SLC25A48: variants seen among roughly 807,000 people sequenced by gnomAD.
SLC25A48 encodes solute carrier family 25 member 48.
Under a neutral mutation model 32.2 loss-of-function variants are expected in SLC25A48, and 29 were observed. The ratio of observed to expected loss-of-function variants is 0.90; its 90% CI spans 0.67 to 1.23. The LOEUF (loss-of-function observed/expected upper bound fraction) is 1.23, where lower values mean the gene tolerates loss of function less well. SLC25A48 is among the 50% of genes most tolerant of loss of function. SLC25A48 has a pLI of 0.00. For synonymous variants in SLC25A48, 164 were observed against 172.3 expected (o/e 0.95, Z 0.38); for missense variants, 399 against 422.7 (o/e 0.94, Z 0.49).
At chr5:135,800,215 A>G (rs932474974) in intron 3 of SLC25A48, among the ~76,000 whole-genome samples, 39 of 151,734 alleles carry the variant, frequency 2.6e-4, no homozygotes, top group African/African-American at 6.5e-4. Context: ...TCACTGGGAG[A>G]GTACACCCCG....
chr5:135,849,768 AG>A (rs989286058), intron 2 of SLC25A48, among the ~76,000 whole-genome samples: 11 of 152,298 alleles, frequency 7.2e-5, no homozygotes, highest in Middle Eastern at 6.8e-3. Context: ...GGCTGGAGGC[AG>A]GAAAGAATTG....
rs954739396 is a variant in SLC25A48 at position 135,814,212 on chromosome 5, G to A, written c.-117+1286G>A. Among the ~76,000 whole-genome samples the A allele has an allele frequency of 7.2e-5, 11 of 152,160 alleles. No homozygotes were observed. The East Asian group carries it at 7.7e-4, about 11-fold the overall frequency. ...CCCTGACTGGGCTTCTGCACCCTGG[G>A]CCTTTTCCATGCTCCATCCTTTGGC... On this transcript the variant is annotated intron_variant, in intron 4 of 10. Coordinates refer to the SLC25A48 transcript ENST00000646290.
chr5:135,613,328 A>G (rs6596247), intron 1 of SLC25A48, among the ~76,000 whole-genome samples: 54,500 of 152,036 alleles, frequency 0.36, 9,801 homozygotes, highest in Non-Finnish European at 0.38. Flanking sequence ...TGTAGACATT[A>G]GTCCTTTATT....
At chr5:135,867,388 G>T (rs1761287485) in intron 4 of SLC25A48, among the ~76,000 whole-genome samples, 1 of 152,086 alleles carries the variant, frequency 6.6e-6, no homozygotes, top group Admixed American at 6.5e-5. Flanking sequence ...TTTCAAATCA[G>T]CTTTTAAGAG....
intron 1 of SLC25A48, among the ~76,000 whole-genome samples, chr5:135,597,560 A>G (rs1209529982): frequency 6.6e-6 from 1 of 152,196 alleles, no homozygotes; most frequent in Non-Finnish European, 1.5e-5. Flanking sequence ...TTGCCGATAG[A>G]AACAATCAAA....
intron 4 of SLC25A48, among the ~76,000 whole-genome samples, chr5:135,869,747 G>T (rs1385791155): frequency 6.6e-6 from 1 of 152,174 alleles, no homozygotes; most frequent in Non-Finnish European, 1.5e-5. Flanking sequence ...CTCTCAGTGG[G>T]CTTTCAAAGG....
intron 3 of SLC25A48, among the ~76,000 whole-genome samples, chr5:135,787,505 A>G (rs1195614558): frequency 6.6e-6 from 1 of 152,080 alleles, no homozygotes; most frequent in African/African-American, 2.4e-5. Flanking sequence ...CAGGAGATGT[A>G]TAACCTGTTA....
intron 3 of SLC25A48, among the ~76,000 whole-genome samples, chr5:135,663,930 C>A (rs1753464715): frequency 6.6e-6 from 1 of 152,210 alleles, no homozygotes; most frequent in Admixed American, 6.5e-5. Flanking sequence ...ACCTGCCAGG[C>A]ACTGATGTCC....
intron 3 of SLC25A48, among the ~76,000 whole-genome samples, chr5:135,749,241 C>G (rs1755713877): frequency 6.6e-6 from 1 of 151,880 alleles, no homozygotes; most frequent in Non-Finnish European, 1.5e-5. Context: ...TGCTTCTCAC[C>G]CCTCCCCACA....
intron 4 of SLC25A48, among the ~76,000 whole-genome samples, chr5:135,821,545 C>A (rs890248269): frequency 6.6e-6 from 1 of 152,178 alleles, no homozygotes; most frequent in Non-Finnish European, 1.5e-5. Context: ...GGGCAGAAGT[C>A]CCAGGTGAGC....
At chr5:135,633,505 A>G (rs915894974) in intron 2 of SLC25A48, among the ~76,000 whole-genome samples, 1 of 151,940 alleles carries the variant, frequency 6.6e-6, no homozygotes, top group African/African-American at 2.4e-5. Context: ...GCACAGCAAG[A>G]AGGCAGCCAC....
chr5:135,673,336 T>C (rs1038738053), intron 3 of SLC25A48, among the ~76,000 whole-genome samples: 1 of 152,236 alleles, frequency 6.6e-6, no homozygotes, highest in African/African-American at 2.4e-5. Context: ...TGCCTTATTG[T>C]ATTCTCTCCA....
chr5:135,733,270 A>G (rs1408532786), intron 3 of SLC25A48, among the ~76,000 whole-genome samples: 1 of 152,202 alleles, frequency 6.6e-6, no homozygotes, highest in African/African-American at 2.4e-5. Flanking sequence ...TGGAGCTGCC[A>G]TCAATAAACC....
intron 1 of SLC25A48, among the ~76,000 whole-genome samples, chr5:135,605,076 C>T (rs1751901530): frequency 6.6e-6 from 1 of 152,140 alleles, no homozygotes; most frequent in African/African-American, 2.4e-5. Flanking sequence ...AACTGAGCTG[C>T]AAAACTATAC....
chr5:135,771,429 T>G (rs1756407905), intron 3 of SLC25A48, among the ~76,000 whole-genome samples: 1 of 151,740 alleles, frequency 6.6e-6, no homozygotes, highest in African/African-American at 2.4e-5. Context: ...TGATTCGTAT[T>G]ATTCAGAAGG....
chr5:135,604,931 C>T (rs1371979096), intron 1 of SLC25A48, among the ~76,000 whole-genome samples: 1 of 152,198 alleles, frequency 6.6e-6, no homozygotes, highest in Non-Finnish European at 1.5e-5. Flanking sequence ...ACACTCATCT[C>T]ATAGGCCTGT....
rs1762623084 is a variant in SLC25A48 at position 135,883,673 on chromosome 5, G to A, written c.*7+3576G>A. Among the ~76,000 whole-genome samples the A allele has an allele frequency of 2.6e-5, 4 of 152,164 alleles. No individual in the cohort carries two copies. The South Asian group carries it at 8.3e-4, about 32-fold the overall frequency. ...GCGTAGTGGTTGAACAGGGTGATGA[G>A]GGACAGAAACCTTCTAGGGGTTCTC... On this transcript the variant is annotated intron_variant, in intron 7 of 7. Coordinates refer to ENST00000681962, the MANE Select transcript of SLC25A48 (RefSeq NM_001349336.2).
chr5:135,757,288 T>C (rs13163585), intron 3 of SLC25A48, among the ~76,000 whole-genome samples: 45,185 of 149,436 alleles, frequency 0.3, 6,991 homozygotes, highest in East Asian at 0.47. Flanking sequence ...TAATGACTAG[T>C]GTTAACACAC....
chr5:135,653,948 C>A (rs1182215029), intron 3 of SLC25A48: 7 of 455,962 alleles, frequency 1.5e-5, no homozygotes, highest in Non-Finnish European at 2.6e-5. Context: ...GGCTGGGAAG[C>A]TTTGGATGGT....
Sources: allele counts gnomAD v4.1 joint callset (sites outside exome capture counted in the v4.1 genomes callset), GRCh38; gene constraint gnomAD v4.1.1; transcripts MANE v1.5; gene names NCBI Gene and HGNC (gene_info 2026-07-23, HGNC 2026-07-21).